Variants in CD82 observed in about 807,000 individuals in gnomAD.
CD82 encodes the protein CD82 molecule.
In CD82, 36 loss-of-function variants were observed where a neutral mutation model predicts 37.4. That is an observed-to-expected ratio of 0.96 (90% CI 0.74 to 1.27). The LOEUF (loss-of-function observed/expected upper bound fraction) is 1.27. Among genes scored for constraint, CD82 ranks in the 50% most tolerant of loss-of-function variants. The pLI is 0.00. For missense variants in CD82, 340 were observed against 347.0 expected, an observed-to-expected ratio of 0.98 and a Z score of 0.16; for synonymous variants, 158 against 137.4, an observed-to-expected ratio of 1.15 and a Z score of -1.05.
At chr11:44,576,302 G>A (rs1431015059) in intron 1 of CD82, among the ~76,000 whole-genome samples, 1 of 152,200 alleles carries the variant, frequency 6.6e-6, no homozygotes, top group East Asian at 1.9e-4. Flanking sequence ...ACACTTTGCA[G>A]CCATAATGTC....
intron 6 of CD82, among the ~76,000 whole-genome samples, chr11:44,611,444 G>A (rs1853479958): frequency 6.6e-6 from 1 of 152,224 alleles, no homozygotes. Context: ...TGGGTCTCAA[G>A]CCCATCTCTG....
chr11:44,573,384 C>G (rs61541836), intron 1 of CD82: 1 of 152,146 alleles, frequency 6.6e-6, no homozygotes, highest in African/African-American at 2.4e-5. Context: ...GAGACATCAT[C>G]GTATATAGAG....
intron 1 of CD82, chr11:44,587,134 G>A (rs1052558529): frequency 3.2e-6 from 1 of 309,274 alleles, no homozygotes; most frequent in African/African-American, 2.2e-5. Flanking sequence ...TGGAGTTGAG[G>A]CCTTCTGAAT....
intron 1 of CD82, among the ~76,000 whole-genome samples, chr11:44,569,234 G>A (rs1565077878): frequency 2.0e-5 from 3 of 152,024 alleles, no homozygotes; most frequent in South Asian, 2.1e-4. Context: ...TGCTCCCCTC[G>A]CCCCTGATGC....
chr11:44,603,898 C>T (rs79124612), intron 4 of CD82, among the ~76,000 whole-genome samples: 2,549 of 152,274 alleles, frequency 0.017, 77 homozygotes, highest in African/African-American at 0.059. Context: ...CTCACTGGTC[C>T]GTTCTCTCAC....
intron 7 of CD82, 70 bp downstream of exon 7, chr11:44,615,443 A>G (rs1407754661): frequency 3.2e-6 from 3 of 932,608 alleles, no homozygotes; most frequent in Non-Finnish European, 1.7e-6. Flanking sequence ...CTGTGCACCC[A>G]CATGTCTGGG....
rs781480823 is a variant in CD82 at position 44,600,213 on chromosome 11, G to A, written c.119G>A (p.Ser40Asn). ...FGVWILADKS[S>N]FISVLQTSSS... The stretch of plus-strand genomic sequence containing the variant: ...GTGTGGATCCTGGCCGACAAGAGCA[G>A]TTTCATCTCTGTCCTGCGTAAGGAC... The change falls in exon 4 of 10, where the codon AGT becomes AAT. Residue 40 changes from serine to asparagine, a missense_variant. Physicochemically the swap from Ser to Asn is conservative, Grantham distance 46 (BLOSUM62 1). Transcript: ENST00000227155. 1.2e-6 allele frequency: 2 copies of A among 1,614,076 alleles called. No individual in the cohort carries two copies. The highest frequency in any genetic ancestry group is 1.7e-6 in the Non-Finnish European group (2 of 1,179,974).
At chr11:44,581,321 C>A (rs1331220746) in intron 1 of CD82, among the ~76,000 whole-genome samples, 1 of 152,208 alleles carries the variant, frequency 6.6e-6, no homozygotes, top group African/African-American at 2.4e-5. Context: ...CCTTGACCAC[C>A]CTGAGTCTCA....
At chr11:44,596,685 G>C (rs6485551) in intron 3 of CD82, among the ~76,000 whole-genome samples, 70,793 of 151,970 alleles carry the variant, frequency 0.47, 17,373 homozygotes, top group African/African-American at 0.6. Flanking sequence ...GGTGGAGGGG[G>C]GAGGGGCAGC....
intron 2 of CD82, among the ~76,000 whole-genome samples, chr11:44,588,069 C>G (rs1853083453): frequency 6.6e-6 from 1 of 152,180 alleles, no homozygotes; most frequent in Non-Finnish European, 1.5e-5. Flanking sequence ...TATCACAGTC[C>G]TCAGGGGAAA....
intron 5 of CD82, 81 bp downstream of exon 5, chr11:44,605,263 A>C (rs1853375983): frequency 6.2e-7 from 1 of 1,608,866 alleles, no homozygotes; most frequent in Non-Finnish European, 8.5e-7. Flanking sequence ...GCTGGCCGTA[A>C]CATCGGGTGG....
chr11:44,600,498 C>A (rs1853292520), intron 4 of CD82, among the ~76,000 whole-genome samples: 1 of 152,226 alleles, frequency 6.6e-6, no homozygotes, highest in Non-Finnish European at 1.5e-5. Context: ...CCCTTCCTGG[C>A]CCCTTCCCTT....
At position 44,605,104 on chromosome 11, in the gene CD82, C is replaced by G. The variant is rs372931321; in HGVS notation, c.183C>G (p.Gly61=). 7 of 1,614,198 alleles carry G rather than the reference C, an allele frequency of 4.3e-6. No homozygotes were observed. In the South Asian group the frequency reaches 6.6e-5, roughly 15 times the overall value. ...GGATGGGGGCCTATGTCTTCATCGG[C>G]GTGGGGGCAGTCACTATGCTCATGG... ...SLRMGAYVFI[G]VGAVTMLMGF... The change falls in exon 5 of 10, where the codon GGC becomes GGG. Residue 61 remains glycine, a synonymous_variant. Coordinates refer to ENST00000227155, the MANE Select transcript of CD82 (RefSeq NM_002231.4).
rs1853284831 is a variant in CD82 at position 44,600,040 on chromosome 11, A to G, written c.64-118A>G. 7.8e-6 allele frequency: 7 copies of G among 901,924 alleles called. No homozygotes were observed. The South Asian group carries it at 8.7e-5, about 11-fold the overall frequency. 55.9% of individuals were successfully genotyped at this position (901,924 alleles called of 1,614,324 possible). On this transcript the variant is annotated intron_variant, in intron 3 of 9. Transcript: ENST00000227155. ...ACATCTCTGGGCTGGAGAAGGGTGG[A>G]TGTGGTGCCCTCTGTGGCCCCCTGC...
intron 7 of CD82, among the ~76,000 whole-genome samples, chr11:44,617,157 A>AG (rs1853576041): frequency 6.6e-6 from 1 of 152,182 alleles, no homozygotes; most frequent in South Asian, 2.1e-4. Flanking sequence ...GAATCCTCCC[A>AG]GGAACCCCCA....
chr11:44,613,598 G>A (rs1470683898), intron 6 of CD82, among the ~76,000 whole-genome samples: 1 of 152,158 alleles, frequency 6.6e-6, no homozygotes, highest in Non-Finnish European at 1.5e-5. Context: ...TGGGCTGGGT[G>A]GATCACTTGA....
intron 6 of CD82, among the ~76,000 whole-genome samples, chr11:44,612,335 T>G (rs893738687): frequency 3.9e-5 from 6 of 152,218 alleles, no homozygotes; most frequent in African/African-American, 7.2e-5. Flanking sequence ...TGGGTTTGTT[T>G]TCTGCATCTC....
Position 44,600,240 on chromosome 11 carries a change from C to T in CD82, c.136+10C>T, listed in dbSNP as rs1434129469. On this transcript the variant is annotated intron_variant, in intron 4 of 9. Transcript: ENST00000227155. ...TTCATCTCTGTCCTGCGTAAGGACC[C>T]CTCAGCTTCCCCAGACCCAGGCCCA... The T allele has an allele frequency of 1.9e-6, 3 of 1,613,006 alleles. No individual in the cohort carries two copies. Among genetic ancestry groups the T allele is most frequent in the Non-Finnish European group, 2.5e-6 (3 of 1,179,102 alleles).
In CD82 at chr11:44,619,639, C is replaced by T. The variant is rs1434344337; in HGVS notation, c.*513C>T. Reference sequence around the variant, plus strand: ...ATTTAGCCGGGCGCGGTGGCGGGCACCTGTAGTCCCAGCTACTTGGGAGGC... The same window carrying T: ...ATTTAGCCGGGCGCGGTGGCGGGCATCTGTAGTCCCAGCTACTTGGGAGGC... On this transcript the variant is annotated 3_prime_UTR_variant, in exon 10 of 10. Coordinates refer to ENST00000227155, the MANE Select transcript of CD82 (RefSeq NM_002231.4). The T allele has an allele frequency of 6.5e-6, 1 of 153,068 alleles. No individual in the cohort carries two copies. The highest frequency in any genetic ancestry group is 1.5e-5 in the Non-Finnish European group (1 of 68,706). The allele number at this position is 153,068 out of a possible 1,614,324, so 9.5% of individuals were successfully genotyped here.
Sources: allele counts gnomAD v4.1 joint callset (sites outside exome capture counted in the v4.1 genomes callset), GRCh38; gene constraint gnomAD v4.1.1; transcripts MANE v1.5; gene names NCBI Gene and HGNC (gene_info 2026-07-23, HGNC 2026-07-21).